KCTD8: variants seen among roughly 807,000 people sequenced by gnomAD.
The protein encoded by KCTD8 is BTB/POZ domain-containing protein KCTD8.
KCTD8 carries 27 observed loss-of-function variants against 31.5 expected under a neutral mutation model. The ratio of observed to expected loss-of-function variants is 0.86; its 90% CI spans 0.63 to 1.18. The LOEUF (loss-of-function observed/expected upper bound fraction) is 1.18. Among genes scored for constraint, KCTD8 ranks in the 50% most tolerant of loss-of-function variants. The pLI is 0.00. For missense variants in KCTD8, 658 were observed against 647.7 expected, an observed-to-expected ratio of 1.02 and a Z score of -0.17; for synonymous variants, 290 against 280.0, an observed-to-expected ratio of 1.04 and a Z score of -0.36.
At chr4:44,329,920 G>GACCA (rs1718552102) in intron 1 of KCTD8, among the ~76,000 whole-genome samples, 1 of 151,710 alleles carries the variant, frequency 6.6e-6, no homozygotes, top group Admixed American at 6.6e-5. Flanking sequence ...TTTCATTGAA[G>GACCA]ACCACAGAAG....
At chr4:44,307,951 T>A (rs1717850204) in intron 1 of KCTD8, among the ~76,000 whole-genome samples, 1 of 152,010 alleles carries the variant, frequency 6.6e-6, no homozygotes, top group Non-Finnish European at 1.5e-5. Context: ...ACAAAAAGAC[T>A]GATATCACCT....
At chr4:44,257,919 A>G (rs1386330044) in intron 1 of KCTD8, among the ~76,000 whole-genome samples, 1 of 152,014 alleles carries the variant, frequency 6.6e-6, no homozygotes, top group Non-Finnish European at 1.5e-5. Flanking sequence ...AGACAGGCTG[A>G]TGATATTCAT....
intron 1 of KCTD8, among the ~76,000 whole-genome samples, chr4:44,427,125 T>A (rs1279658033): frequency 6.6e-6 from 1 of 151,470 alleles, no homozygotes; most frequent in Non-Finnish European, 1.5e-5. Context: ...AAGAAGTGCA[T>A]TCCTAGAAAA....
chr4:44,291,553 A>T (rs1263170806), intron 1 of KCTD8, among the ~76,000 whole-genome samples: 1 of 152,130 alleles, frequency 6.6e-6, no homozygotes, highest in Non-Finnish European at 1.5e-5. Flanking sequence ...CCTTCCCGAC[A>T]TTGATCTTGG....
chr4:44,207,644 C>T (rs538465806), intron 1 of KCTD8, among the ~76,000 whole-genome samples: 1 of 152,288 alleles, frequency 6.6e-6, no homozygotes, highest in Admixed American at 6.5e-5. Flanking sequence ...TGTGTGTCAA[C>T]ATGTCAATAT....
chr4:44,315,915 T>C (rs781012213), intron 1 of KCTD8, among the ~76,000 whole-genome samples: 2 of 152,182 alleles, frequency 1.3e-5, no homozygotes, highest in African/African-American at 4.8e-5. Context: ...TTAATCTTGA[T>C]ATTATGAAAT....
intron 1 of KCTD8, among the ~76,000 whole-genome samples, chr4:44,378,774 C>G (rs137901849): frequency 6.6e-6 from 1 of 152,070 alleles, no homozygotes; most frequent in East Asian, 1.9e-4. Context: ...AAATTTTCTA[C>G]AGTTATAAAT....
intron 1 of KCTD8, 133 bp downstream of exon 1, chr4:44,447,430 G>T: frequency 7.4e-7 from 1 of 1,353,028 alleles, no homozygotes; most frequent in South Asian, 1.8e-5. Context: ...ATCGTGCAGG[G>T]AGAGCCGCTC....
At chr4:44,377,432 T>C (rs1719943219) in intron 1 of KCTD8, among the ~76,000 whole-genome samples, 1 of 152,286 alleles carries the variant, frequency 6.6e-6, no homozygotes, top group East Asian at 1.9e-4. Context: ...GAGGCCAGCA[T>C]AGGCTCAGGA....
chr4:44,283,061 ATTATTATTATTATTG>A (rs1716946063), intron 1 of KCTD8, among the ~76,000 whole-genome samples: 1 of 145,668 alleles, frequency 6.9e-6, no homozygotes, highest in Non-Finnish European at 1.5e-5. Context: ...TATTATTATT[ATTATTATTATTATTG>A]AGACAGAGTC....
At chr4:44,320,489 T>C (rs1438056308) in intron 1 of KCTD8, among the ~76,000 whole-genome samples, 2 of 152,222 alleles carry the variant, frequency 1.3e-5, no homozygotes, top group African/African-American at 4.8e-5. Flanking sequence ...TTCAGATATA[T>C]AGCTATGCCT....
At position 44,188,748 on chromosome 4, in the gene KCTD8, T is replaced by C. The variant is rs537791163; in HGVS notation, c.962-13498A>G. The stretch of plus-strand genomic sequence containing the variant: ...TTACAGAGGAGAAGGGGGCAATGTG[T>C]CCATGGAATCAGAGGTTGGAGTGAT... On this transcript the variant is annotated intron_variant, in intron 1 of 1. Transcript: ENST00000360029. Among the ~76,000 whole-genome samples, 426 of 152,278 alleles carry C rather than the reference T, an allele frequency of 2.8e-3. 1 individual carries two copies. The highest frequency in any genetic ancestry group is 4.5e-3 in the Non-Finnish European group (309 of 68,012).
intron 1 of KCTD8, among the ~76,000 whole-genome samples, chr4:44,215,879 C>A (rs1224941450): frequency 5.3e-5 from 8 of 152,158 alleles, no homozygotes; most frequent in Non-Finnish European, 1.2e-4. Flanking sequence ...AGCCCAGAAA[C>A]AGGTACCCTG....
rs556899260 is a variant in KCTD8 at position 44,324,953 on chromosome 4, A to G, written c.961+122610T>C. ...GACATCCCTGAACTTTATTTTCTTT[A>G]CCAGTGATATAGCTGCCAACTCTAT... On this transcript the variant is annotated intron_variant, in intron 1 of 1. Transcript: ENST00000360029. Among the ~76,000 whole-genome samples the G allele has an allele frequency of 2.4e-4, 37 of 152,024 alleles. No individual in the cohort carries two copies. The South Asian group carries it at 7.5e-3, about 31-fold the overall frequency.
intron 1 of KCTD8, among the ~76,000 whole-genome samples, chr4:44,208,965 G>T (rs138886609): frequency 2.6e-5 from 4 of 152,110 alleles, no homozygotes; most frequent in African/African-American, 9.6e-5. Flanking sequence ...TTGTTTGTTT[G>T]TTTATTAAGG....
At chr4:44,424,302 T>C (rs1001145736) in intron 1 of KCTD8, among the ~76,000 whole-genome samples, 13 of 152,094 alleles carry the variant, frequency 8.5e-5, no homozygotes, top group Admixed American at 8.5e-4. Flanking sequence ...TTTGTCTCTA[T>C]ACGTAGTATC....
intron 1 of KCTD8, among the ~76,000 whole-genome samples, chr4:44,393,444 C>A (rs1188459734): frequency 2.0e-5 from 3 of 150,176 alleles, no homozygotes; most frequent in African/African-American, 7.3e-5. Flanking sequence ...GGGAAAAAAA[C>A]AGTAAATTTA....
chr4:44,216,330 T>C (rs1378073124), intron 1 of KCTD8, among the ~76,000 whole-genome samples: 1 of 152,180 alleles, frequency 6.6e-6, no homozygotes, highest in African/African-American at 2.4e-5. Flanking sequence ...GTGATATTAT[T>C]ACTAGGTTTT....
intron 1 of KCTD8, among the ~76,000 whole-genome samples, chr4:44,329,944 G>T (rs1718552699): frequency 6.6e-6 from 1 of 151,612 alleles, no homozygotes; most frequent in Admixed American, 6.6e-5. Context: ...CCATCTACTG[G>T]AATTCACAAG....
Sources: allele counts gnomAD v4.1 joint callset (sites outside exome capture counted in the v4.1 genomes callset), GRCh38; gene constraint gnomAD v4.1.1; transcripts MANE v1.5; gene names NCBI Gene and HGNC (gene_info 2026-07-23, HGNC 2026-07-21).